CLPSL1: variants seen among roughly 807,000 people sequenced by gnomAD.
CLPSL1 encodes colipase like 1.
CLPSL1 carries 13 observed loss-of-function variants against 9.3 expected under a neutral mutation model. The observed-to-expected ratio is 1.40, with a 90% confidence interval of 0.91 to 2.22. CLPSL1 has a LOEUF of 2.22. Among genes scored for constraint, CLPSL1 ranks in the 30% most tolerant of loss-of-function variants. CLPSL1 has a pLI of 0.00. For synonymous variants in CLPSL1, 58 were observed against 56.9 expected, an observed-to-expected ratio of 1.02 and a Z score of -0.08; for missense variants, 164 against 146.6, an observed-to-expected ratio of 1.12 and a Z score of -0.61.
At chr6:35,783,940 T>C (rs1768020226) in intron 1 of CLPSL1, among the ~76,000 whole-genome samples, 2 of 152,154 alleles carry the variant, frequency 1.3e-5, no homozygotes, top group Admixed American at 6.5e-5. Context: ...CAGTTACTAG[T>C]GTGAACCCAA....
intron 1 of CLPSL1, among the ~76,000 whole-genome samples, chr6:35,782,301 A>G (rs1456746782): frequency 6.6e-6 from 1 of 152,146 alleles, no homozygotes; most frequent in Non-Finnish European, 1.5e-5. Context: ...AGAGAGATAA[A>G]TGGAACACAG....
chr6:35,790,119 GA>G (rs1343667614), downstream of CLPSL1, among the ~76,000 whole-genome samples: 1 of 152,160 alleles, frequency 6.6e-6, no homozygotes, highest in African/African-American at 2.4e-5. Context: ...TAGAGATGGG[GA>G]GGGGGAGATC....
chr6:35,787,010 T>C lies in CLPSL1; in HGVS notation c.112T>C (p.Ser38Pro). ...TCCCTCCCTGCAGGAGCTCAAGGAG[T>C]CTTGCATCCGGAACCAGGACTGCGA... ...TKYNLLELKE[S>P]CIRNQDCETG... The change falls in exon 2 of 3, where the codon TCT becomes CCT. Residue 38 changes from serine (S) to proline (P), a missense_variant. Coordinates refer to ENST00000373861, the MANE Select transcript of CLPSL1 (RefSeq NM_001010886.5). 1 of 1,582,598 alleles carries C rather than the reference T, an allele frequency of 6.3e-7. No individual in the cohort carries two copies. Among genetic ancestry groups the C allele is most frequent in the Non-Finnish European group, 8.6e-7 (1 of 1,166,238 alleles).
intron 1 of CLPSL1, among the ~76,000 whole-genome samples, chr6:35,784,095 C>A (rs1461579667): frequency 6.6e-6 from 1 of 151,874 alleles, no homozygotes; most frequent in Non-Finnish European, 1.5e-5. Context: ...CTTTTATACA[C>A]ATTGGGGAGA....
Sources: allele counts gnomAD v4.1 joint callset (sites outside exome capture counted in the v4.1 genomes callset), GRCh38; gene constraint gnomAD v4.1.1; transcripts MANE v1.5; gene names NCBI Gene and HGNC (gene_info 2026-07-23, HGNC 2026-07-21).